The following ZNF366 variants were observed in gnomAD, a reference collection of about 807,000 sequenced individuals.
ZNF366 encodes dendritic cell-specific transcript protein.
A neutral mutation model predicts 47.2 loss-of-function variants in ZNF366; 20 were observed. That is an observed-to-expected ratio of 0.42 (90% CI 0.30 to 0.62). The LOEUF (loss-of-function observed/expected upper bound fraction) is 0.62, where lower values mean the gene tolerates loss of function less well. Ranked by LOEUF, ZNF366 falls within the 20% of genes least tolerant of loss-of-function variation. The probability of loss-of-function intolerance (pLI) is 0.16; values close to 1 mark genes in which losing one functional copy is unlikely to be tolerated. For synonymous variants in ZNF366, 421 were observed against 395.1 expected, an observed-to-expected ratio of 1.07 and a Z score of -0.78; for missense variants, 987 against 976.3, an observed-to-expected ratio of 1.01 and a Z score of -0.15.
intron 3 of ZNF366, among the ~76,000 whole-genome samples, chr5:72,455,687 G>A (rs1208927869): frequency 5.3e-5 from 8 of 152,154 alleles, no homozygotes; most frequent in Admixed American, 1.3e-4. Context: ...CAGCTCACAC[G>A]TTTTCTCGGC....
At chr5:72,479,625 A>T (rs927200436) in intron 1 of ZNF366, among the ~76,000 whole-genome samples, 13 of 152,354 alleles carry the variant, frequency 8.5e-5, no homozygotes, top group Admixed American at 5.2e-4. Context: ...TGCAATGTAG[A>T]AGAACAATAC....
intron 1 of ZNF366, among the ~76,000 whole-genome samples, chr5:72,486,103 T>C (rs954157371): frequency 6.6e-6 from 1 of 152,232 alleles, no homozygotes; most frequent in African/African-American, 2.4e-5. Context: ...TTGTTCATTT[T>C]CCTCCACTAG....
Position 72,460,453 on chromosome 5 carries a change from G to A in ZNF366, c.1044C>T (p.Tyr348=). 3 of 1,614,116 alleles carry A rather than the reference G, an allele frequency of 1.9e-6. No individual in the cohort carries two copies. The highest frequency in any genetic ancestry group is 2.5e-6 in the Non-Finnish European group (3 of 1,180,002). Reference sequence around the variant, plus strand: ...CTTCGTGGGCCTTGAGCTCGCTGGGGTAGGCAAAGCCGCGGCCGCACACGC... The same window carrying A: ...CTTCGTGGGCCTTGAGCTCGCTGGGATAGGCAAAGCCGCGGCCGCACACGC... ...NCRVCGRGFA[Y]PSELKAHEAK... Residue 348 remains tyrosine (Y), a synonymous_variant, in exon 2 of 5, where the codon TAC becomes TAT. Coordinates refer to ENST00000318442, the MANE Select transcript of ZNF366 (RefSeq NM_152625.3).
intron 1 of ZNF366, among the ~76,000 whole-genome samples, chr5:72,473,756 T>A (rs914609249): frequency 6.6e-6 from 1 of 152,190 alleles, no homozygotes; most frequent in African/African-American, 2.4e-5. Context: ...GTTTTCCCCC[T>A]ATATTGCACT....
chr5:72,457,745 T>G (rs1437266349), intron 2 of ZNF366, among the ~76,000 whole-genome samples: 1 of 152,164 alleles, frequency 6.6e-6, no homozygotes, highest in South Asian at 2.1e-4. Flanking sequence ...TAGTGAAGGC[T>G]TCTCATCACA....
chr5:72,472,745 G>T (rs762048263), intron 1 of ZNF366, among the ~76,000 whole-genome samples: 1 of 152,160 alleles, frequency 6.6e-6, no homozygotes, highest in Non-Finnish European at 1.5e-5. Context: ...GCACTCTGGC[G>T]TGTCAAGGGT....
At position 72,460,621 on chromosome 5, in the gene ZNF366, C is replaced by T. The variant is rs767153017; in HGVS notation, c.876G>A (p.Gln292=). ...ACTHCGKLFK[Q]LSHLHTHMLT... is the part of the protein sequence containing the mutation. ...GCATGTGGGTATGCAGGTGGCTGAG[C>T]TGCTTGAAGAGCTTCCCGCAGTGCG... Residue 292 remains glutamine, a synonymous_variant, in exon 2 of 5, where the codon CAG becomes CAA. Coordinates refer to ENST00000318442, the MANE Select transcript of ZNF366 (RefSeq NM_152625.3). The T allele has an allele frequency of 4.3e-6, 7 of 1,614,040 alleles. No individual in the cohort carries two copies. The East Asian group carries it at 1.6e-4, about 36-fold the overall frequency.
At chr5:72,457,300 C>G in intron 2 of ZNF366, among the ~76,000 whole-genome samples, 1 of 152,150 alleles carries the variant, frequency 6.6e-6, no homozygotes, top group African/African-American at 2.4e-5. Context: ...TGTGTTTGAA[C>G]CAAGGCCCTT....
chr5:72,461,449 G>A lies in ZNF366; in HGVS notation c.48C>T (p.Asp16=). ...AGGAGGGGGTCTTCTTCACAGCCAA[G>A]TCGAAATGCACATCCTCGTCTTTGA... The part of the protein sequence containing the change: ...KMIKDEDVHF[D]LAVKKTPSFP... The change falls in exon 2 of 5, where the codon GAC becomes GAT. Residue 16 remains aspartate, a synonymous_variant. Transcript: ENST00000318442. 2.5e-6 allele frequency: 4 copies of A among 1,596,822 alleles called. No individual in the cohort carries two copies. The highest frequency in any genetic ancestry group is 3.4e-6 in the Non-Finnish European group (4 of 1,168,492).
intron 1 of ZNF366, among the ~76,000 whole-genome samples, chr5:72,462,550 T>TCTTTCTTTCTTTCTTTCTTTC (rs1554031612): frequency 5.8e-4 from 77 of 133,894 alleles, no homozygotes; most frequent in Admixed American, 2.6e-3. Flanking sequence ...TTTCTTTCTT[T>TCTTTCTTTCTTTCTTTCTTTC]TTTTTTTTTT....
intron 1 of ZNF366, among the ~76,000 whole-genome samples, chr5:72,488,130 C>T (rs1743928440): frequency 6.6e-6 from 1 of 151,930 alleles, no homozygotes; most frequent in African/African-American, 2.4e-5. Context: ...ATCGCCTGAA[C>T]CCAGGAGGCA....
At chr5:72,464,693 A>G (rs566913610) in intron 1 of ZNF366, among the ~76,000 whole-genome samples, 1 of 152,330 alleles carries the variant, frequency 6.6e-6, no homozygotes, top group South Asian at 2.1e-4. Flanking sequence ...GTGTATGTAT[A>G]ATGATTCTCC....
At chr5:72,469,893 AACTT>A (rs1317894476) in intron 1 of ZNF366, among the ~76,000 whole-genome samples, 15 of 152,054 alleles carry the variant, frequency 9.9e-5, no homozygotes, top group Admixed American at 7.9e-4. Context: ...AACAACAAAA[AACTT>A]AGCCAGGTAT....
chr5:72,501,897 A>G (rs933064119), intron 1 of ZNF366, among the ~76,000 whole-genome samples: 1 of 152,224 alleles, frequency 6.6e-6, no homozygotes, highest in South Asian at 2.1e-4. Context: ...GTGCTTGCCA[A>G]GACGACATTT....
chr5:72,492,470 TAAAC>T (rs1251155981), intron 1 of ZNF366, among the ~76,000 whole-genome samples: 2 of 152,236 alleles, frequency 1.3e-5, no homozygotes, highest in East Asian at 3.9e-4. Context: ...TGTTAAACAA[TAAAC>T]AAACAAACAA....
At chr5:72,462,342 A>G (rs1017663026) in intron 1 of ZNF366, among the ~76,000 whole-genome samples, 21 of 152,196 alleles carry the variant, frequency 1.4e-4, no homozygotes, top group South Asian at 8.3e-4. Context: ...CTCCTTTCAG[A>G]CAGGTGTCAA....
intron 1 of ZNF366, among the ~76,000 whole-genome samples, chr5:72,480,526 T>C (rs1469136034): frequency 1.3e-5 from 2 of 152,130 alleles, no homozygotes; most frequent in African/African-American, 4.8e-5. Context: ...TTCTGATTTA[T>C]CACTAACCTT....
chr5:72,492,618 T>G (rs1008236469), intron 1 of ZNF366, among the ~76,000 whole-genome samples: 1 of 152,182 alleles, frequency 6.6e-6, no homozygotes, highest in Admixed American at 6.5e-5. Flanking sequence ...CAAAAACAAC[T>G]GTTTCTATAA....
In ZNF366 at chr5:72,482,709, T is replaced by G. The variant is rs546982054; in HGVS notation, c.-14-21199A>C. Among the ~76,000 whole-genome samples, 20 of 151,958 alleles carry G rather than the reference T, an allele frequency of 1.3e-4. No individual in the cohort carries two copies. The East Asian group carries it at 2.5e-3, about 19-fold the overall frequency. On this transcript the variant is annotated intron_variant, in intron 1 of 4. Coordinates refer to ENST00000318442, the MANE Select transcript of ZNF366 (RefSeq NM_152625.3). ...CCTTGTCTTCCTATGGCAGTCAAAT[T>G]TATTTTATTTAGAAACATCACAGTT...
Sources: gnomAD v4.1 joint callset for allele counts (sites outside exome capture counted in the v4.1 genomes callset) on GRCh38, gnomAD v4.1.1 for gene constraint, MANE v1.5 for transcripts, NCBI Gene and HGNC (gene_info 2026-07-23, HGNC 2026-07-21) for gene names.